The following CDK18 variants were observed in gnomAD, a reference collection of about 807,000 sequenced individuals.
The protein encoded by CDK18 is cyclin-dependent kinase 18.
In CDK18, 52 loss-of-function variants were observed where a neutral mutation model predicts 62.0. The observed-to-expected ratio is 0.84, with a 90% CI of 0.67 to 1.06. The LOEUF is 1.06. CDK18 is among the 50% of genes least tolerant of loss of function. The probability of loss-of-function intolerance (pLI) is 0.00; values close to 1 mark genes in which losing one functional copy is unlikely to be tolerated. For missense variants in CDK18, 604 were observed against 619.9 expected (o/e 0.97, Z 0.27); for synonymous variants, 237 against 247.0 (o/e 0.96, Z 0.38).
Position 205,528,776 on chromosome 1 carries a change from G to C in CDK18, c.975-223G>C. The C allele has an allele frequency of 2.1e-6, 1 of 470,790 alleles. No individual in the cohort carries two copies. The highest frequency in any genetic ancestry group is 3.8e-6 in the Non-Finnish European group (1 of 265,418). The allele number at this position is 470,790 out of a possible 1,614,324, so 29.2% of individuals were successfully genotyped here. ...TGAAAGGGGACTTTCCTCACAGAGT[G>C]AAAGTCGCAGCTTTCCCGAGCCCAG... On this transcript the variant is annotated intron_variant, in intron 10 of 15. Coordinates refer to ENST00000429964, the MANE Select transcript of CDK18 (RefSeq NM_212502.3). This position sits in a 1 kb window ranked among gnomAD's most constrained non-coding sequence, Gnocchi z 4.2.
chr1:205,527,527 A>T lies in CDK18; in HGVS notation c.730-267A>T. ...GGATCAAGCACATATGTCTCCACATAGGCGGGCATCCTGACCCCCGTGCTC... is the reference window on the plus strand; with the variant it reads ...GGATCAAGCACATATGTCTCCACATTGGCGGGCATCCTGACCCCCGTGCTC... On this transcript the variant is annotated intron_variant, in intron 8 of 15. Transcript: ENST00000429964. The surrounding 1 kb of genome is among the most constrained non-coding windows in gnomAD (Gnocchi z 4.1). The T allele has an allele frequency of 2.3e-6, 1 of 433,686 alleles. No homozygotes were observed. Among genetic ancestry groups the T allele is most frequent in the Non-Finnish European group, 4.2e-6 (1 of 239,974 alleles). The allele number at this position is 433,686 out of a possible 1,614,324, so 26.9% of individuals were successfully genotyped here. A position where few individuals can be genotyped will look rare whatever the true frequency, so the allele number is the denominator to read the frequency against.
At chr1:205,508,524 C>T (rs1381911018) in intron 1 of CDK18, among the ~76,000 whole-genome samples, 1 of 152,196 alleles carries the variant, frequency 6.6e-6, no homozygotes, top group East Asian at 1.9e-4. Context: ...AAAGAGAGCC[C>T]ATCTGCTCCT....
rs927093744 is a variant in CDK18 at position 205,516,990 on chromosome 1, A to G, written c.-21-6157A>G. ...TCTGTCAACCTCCTTCTCCACCTCC[A>G]TGGTCTCCAGGTCAAGGTCTCTCAG... is the stretch of plus-strand genomic sequence containing the variant. On this transcript the variant is annotated intron_variant, in intron 1 of 15. Coordinates refer to ENST00000429964, the MANE Select transcript of CDK18 (RefSeq NM_212502.3). This position sits in a 1 kb window ranked among gnomAD's most constrained non-coding sequence, Gnocchi z 4.8. 4 of 152,102 alleles carry G rather than the reference A, an allele frequency of 2.6e-5. No individual in the cohort carries two copies. The highest frequency in any genetic ancestry group is 2.0e-4 in the Admixed American group (3 of 15,270). The allele number at this position is 152,102 out of a possible 1,614,324, so 9.4% of individuals were successfully genotyped here.
intron 1 of CDK18, among the ~76,000 whole-genome samples, chr1:205,515,838 A>G (rs1279669860): frequency 6.6e-6 from 1 of 152,202 alleles, no homozygotes; most frequent in Non-Finnish European, 1.5e-5. Flanking sequence ...TGCTCCCGGA[A>G]GGCCTTCCCC....
intron 5 of CDK18, 100 bp from the exon 6 acceptor site, chr1:205,525,965 G>A: frequency 1.3e-6 from 1 of 763,978 alleles, no homozygotes; most frequent in Non-Finnish European, 2.2e-6. Context: ...GGGCACTCAG[G>A]CCCCAGTCGT....
chr1:205,524,961 G>A (rs1575070337), intron 4 of CDK18, among the ~76,000 whole-genome samples, 178 bp from the exon 5 acceptor site: 1 of 152,196 alleles, frequency 6.6e-6, no homozygotes, highest in East Asian at 1.9e-4. Context: ...GTCCTGGGAG[G>A]AAGAAACTCA....
chr1:205,526,206 C>T (rs1423666761), intron 6 of CDK18, 27 bp downstream of exon 6: 3 of 1,590,232 alleles, frequency 1.9e-6, no homozygotes, highest in Non-Finnish European at 2.6e-6. Flanking sequence ...TCCCACGCTC[C>T]CCTGGGGGCT....
Position 205,529,409 on chromosome 1 carries a change from G to T in CDK18, c.1158G>T (p.Pro386=). The T allele has an allele frequency of 1.2e-6, 2 of 1,613,898 alleles. No homozygotes were observed. The highest frequency in any genetic ancestry group is 1.7e-6 in the Non-Finnish European group (2 of 1,179,910). ...TYSFPCYLPQ[P]LINHAPRLDT... ...GCTTCCCCTGCTACCTCCCGCAGCC[G>T]CTCATCAACCACGCGCCCAGGTAGC... is the stretch of plus-strand genomic sequence containing the variant. Residue 386 remains proline (P), a synonymous_variant, in exon 12 of 16, where the codon CCG becomes CCT. Coordinates refer to ENST00000429964, the MANE Select transcript of CDK18 (RefSeq NM_212502.3).
intron 1 of CDK18, among the ~76,000 whole-genome samples, chr1:205,521,841 C>G (rs1668144254): frequency 6.6e-6 from 1 of 152,360 alleles, no homozygotes; most frequent in East Asian, 1.9e-4. Flanking sequence ...AGGGCCTGGT[C>G]GCCTTGGCAA....
At chr1:205,522,446 C>A (rs1022279293) in intron 1 of CDK18, 1 of 148,648 alleles carries the variant, frequency 6.7e-6, no homozygotes, top group Non-Finnish European at 1.5e-5. Context: ...CTGCTCCTGA[C>A]CTCCTGTATT....
intron 1 of CDK18, among the ~76,000 whole-genome samples, chr1:205,509,314 C>T (rs1411752693): frequency 6.6e-6 from 1 of 152,094 alleles, no homozygotes; most frequent in Non-Finnish European, 1.5e-5. Context: ...CTCCCTACCC[C>T]CACCATTAAA....
chr1:205,514,719 G>A (rs150330278), intron 1 of CDK18, among the ~76,000 whole-genome samples: 2 of 152,254 alleles, frequency 1.3e-5, no homozygotes, highest in Non-Finnish European at 2.9e-5. Context: ...TTGTTCATTC[G>A]TTCCACAAAT....
chr1:205,527,885 A>G lies in CDK18; in HGVS notation c.821A>G (p.Asn274Ser), dbSNP rs1259419465. The G allele has an allele frequency of 1.2e-6, 2 of 1,614,126 alleles. No homozygotes were observed. Among genetic ancestry groups the G allele is most frequent in the Non-Finnish European group, 1.7e-6 (2 of 1,180,012 alleles). The change falls in exon 9 of 16, where the codon AAC becomes AGC. Residue 274 changes from asparagine (N) to serine (S), a missense_variant. Physicochemically the swap from Asn to Ser is conservative, Grantham distance 46. Transcript: ENST00000429964. The surrounding 1 kb of genome is among the most constrained non-coding windows in gnomAD (Gnocchi z 4.1). ...RDLKPQNLLI[N>S]ERGELKLADF... Reference sequence around the variant, plus strand: ...CTGAAGCCCCAGAACCTGCTCATCAACGAGAGGGGGGAGCTGAAGCTGGCC... The same window carrying G: ...CTGAAGCCCCAGAACCTGCTCATCAGCGAGAGGGGGGAGCTGAAGCTGGCC...
chr1:205,520,032 C>G (rs1163775773), intron 1 of CDK18, among the ~76,000 whole-genome samples: 1 of 152,168 alleles, frequency 6.6e-6, no homozygotes. Context: ...CTGCCTCTCC[C>G]CACCCCCAGA....
At position 205,531,636 on chromosome 1, in the gene CDK18, TGAG is replaced by T; in HGVS notation, c.*260_*262del. On this transcript the variant is annotated 3_prime_UTR_variant, in exon 16 of 16. Coordinates refer to ENST00000429964, the MANE Select transcript of CDK18 (RefSeq NM_212502.3). ...CATAAGCTGCTTCCCTGAGAGGACATGAGGGGGGGGCGGTCCTCGTACCCTCTC... is the reference window on the plus strand; with the variant it reads ...CATAAGCTGCTTCCCTGAGAGGACATGGGGGGGCGGTCCTCGTACCCTCTC... 1 of 502,644 alleles carries T rather than the reference TGAG, an allele frequency of 2.0e-6. No homozygotes were observed. Among genetic ancestry groups the T allele is most frequent in the South Asian group, 2.1e-5 (1 of 48,134 alleles). 31.1% of individuals were successfully genotyped at this position (502,644 alleles called of 1,614,324 possible).
In CDK18 at chr1:205,528,789, T is replaced by G; in HGVS notation, c.975-210T>G. The G allele has an allele frequency of 2.1e-6, 1 of 467,778 alleles. No homozygotes were observed. Among genetic ancestry groups the G allele is most frequent in the Non-Finnish European group, 3.8e-6 (1 of 263,842 alleles). 29.0% of individuals were successfully genotyped at this position (467,778 alleles called of 1,614,324 possible). On this transcript the variant is annotated intron_variant, in intron 10 of 15. Coordinates refer to ENST00000429964, the MANE Select transcript of CDK18 (RefSeq NM_212502.3). This position sits in a 1 kb window ranked among gnomAD's most constrained non-coding sequence, Gnocchi z 4.2. ...TCCTCACAGAGTGAAAGTCGCAGCT[T>G]TCCCGAGCCCAGGGAAGCCCCCCAG...
chr1:205,527,824 G>A lies in CDK18; in HGVS notation c.760G>A (p.Ala254Thr), dbSNP rs750435510. The A allele has an allele frequency of 5.8e-5, 94 of 1,613,718 alleles. No homozygotes were observed. Among genetic ancestry groups the A allele is most frequent in the South Asian group, 5.3e-4 (48 of 91,064 alleles). ...IFMFQLLRGL[A>T]YCHHRKILHR... ...CATGTTCCAGCTGCTCCGGGGCCTCGCCTACTGTCACCACCGCAAGATCCT... is the reference window on the plus strand; with the variant it reads ...CATGTTCCAGCTGCTCCGGGGCCTCACCTACTGTCACCACCGCAAGATCCT... The change falls in exon 9 of 16, where the codon GCC becomes ACC. Residue 254 changes from alanine (A) to threonine (T), a missense_variant. Coordinates refer to ENST00000429964, the MANE Select transcript of CDK18 (RefSeq NM_212502.3). The surrounding 1 kb of genome is among the most constrained non-coding windows in gnomAD (Gnocchi z 4.1).
intron 3 of CDK18, 37 bp from the exon 4 acceptor site, chr1:205,524,195 C>A (rs1668295832): frequency 3.7e-6 from 6 of 1,613,824 alleles, no homozygotes; most frequent in Non-Finnish European, 5.1e-6. Flanking sequence ...ACCCTGAAAC[C>A]AACAGTGGTG....
chr1:205,530,146 T>G, intron 13 of CDK18, 113 bp from the exon 14 acceptor site: 1 of 1,535,320 alleles, frequency 6.5e-7, no homozygotes, highest in South Asian at 1.2e-5. Context: ...GGGCTTCTCC[T>G]GTTAGCCTCA....
Sources: gnomAD v4.1 joint callset for allele counts (sites outside exome capture counted in the v4.1 genomes callset) on GRCh38, gnomAD v4.1.1 for gene constraint, Gnocchi (gnomAD v3.1) non-coding constraint, MANE v1.5 for transcripts, NCBI Gene and HGNC (gene_info 2026-07-23, HGNC 2026-07-21) for gene names.